PRKD1: variants seen among roughly 807,000 people sequenced by gnomAD.
PRKD1 encodes the protein serine/threonine-protein kinase D1.
PRKD1 carries 63 observed loss-of-function variants against 95.9 expected under a neutral mutation model. That is an observed-to-expected ratio of 0.66 (90% confidence interval 0.54 to 0.81). The LOEUF (loss-of-function observed/expected upper bound fraction) is 0.81. PRKD1 is among the 30% of genes least tolerant of loss of function. The pLI, the probability that PRKD1 is intolerant of heterozygous loss-of-function variation, is 0.00. For missense variants in PRKD1, 1,048 were observed against 1,165.3 expected (o/e 0.90, Z 1.47); for synonymous variants, 425 against 423.1 (o/e 1.00, Z -0.05).
At chr14:29,775,642 G>A (rs1189863097) in intron 1 of PRKD1, among the ~76,000 whole-genome samples, 1 of 152,168 alleles carries the variant, frequency 6.6e-6, no homozygotes, top group Non-Finnish European at 1.5e-5. Flanking sequence ...AAACAAAGCA[G>A]CTGCGAAGCT....
intron 13 of PRKD1, among the ~76,000 whole-genome samples, chr14:29,616,643 C>T (rs1406387459): frequency 6.6e-6 from 1 of 152,020 alleles, no homozygotes; most frequent in African/African-American, 2.4e-5. Flanking sequence ...TATTACCTTA[C>T]AGTCTGGGGA....
At chr14:29,908,506 C>T (rs1041633046) in intron 1 of PRKD1, among the ~76,000 whole-genome samples, 2 of 151,842 alleles carry the variant, frequency 1.3e-5, no homozygotes, top group Admixed American at 6.6e-5. Flanking sequence ...AGGCTGGTCT[C>T]GAACTTCTGA....
At chr14:29,802,619 T>C (rs763015938) in intron 1 of PRKD1, among the ~76,000 whole-genome samples, 13 of 152,208 alleles carry the variant, frequency 8.5e-5, no homozygotes, top group Non-Finnish European at 1.5e-4. Context: ...TGTAATTCAG[T>C]CAGTTGGAGC....
chr14:29,638,993 G>C (rs1026617526), intron 4 of PRKD1, 89 bp from the exon 5 acceptor site: 57 of 966,050 alleles, frequency 5.9e-5, no homozygotes, highest in Non-Finnish European at 8.3e-5. Context: ...GTTTACTCTT[G>C]TATTTAGTAC....
chr14:29,601,230 C>T (rs140614417), intron 13 of PRKD1, among the ~76,000 whole-genome samples: 2 of 152,246 alleles, frequency 1.3e-5, no homozygotes, highest in Non-Finnish European at 2.9e-5. Context: ...TACCCATTTG[C>T]AAGGAAAGCC....
chr14:29,737,328 C>CAAAAAAAAAAAAAAAAAAAAA (rs796557046), intron 1 of PRKD1, among the ~76,000 whole-genome samples: 2 of 37,930 alleles, frequency 5.3e-5, no homozygotes, highest in Non-Finnish European at 9.5e-5. Context: ...GACTCCGTCT[C>CAAAAAAAAAAAAAAAAAAAAA]AAAAAAAAAA....
At chr14:29,658,300 G>T (rs1882006326) in intron 4 of PRKD1, among the ~76,000 whole-genome samples, 1 of 152,122 alleles carries the variant, frequency 6.6e-6, no homozygotes, top group African/African-American at 2.4e-5. Flanking sequence ...TTCCCAAAGT[G>T]CATGTACTTC....
At chr14:29,594,356 A>C (rs185304490) in intron 16 of PRKD1, among the ~76,000 whole-genome samples, 10 of 152,282 alleles carry the variant, frequency 6.6e-5, no homozygotes, top group African/African-American at 1.9e-4. Flanking sequence ...AAATGATACG[A>C]TCGATCTTTG....
chr14:29,925,705 C>G (rs1473768595), intron 1 of PRKD1, among the ~76,000 whole-genome samples: 5 of 152,156 alleles, frequency 3.3e-5, no homozygotes, highest in African/African-American at 1.2e-4. Context: ...ATTACTTTGA[C>G]CCAATTTGAA....
chr14:29,883,535 A>G (rs925133505), intron 1 of PRKD1, among the ~76,000 whole-genome samples: 2 of 152,204 alleles, frequency 1.3e-5, no homozygotes, highest in African/African-American at 2.4e-5. Flanking sequence ...ACACAATCCA[A>G]ACATCAAGTC....
intron 1 of PRKD1, among the ~76,000 whole-genome samples, chr14:29,890,664 G>A (rs1307987954): frequency 6.6e-6 from 1 of 151,916 alleles, no homozygotes; most frequent in African/African-American, 2.4e-5. Flanking sequence ...TACATTCCAA[G>A]CATATTCCAA....
At chr14:29,595,862 A>G (rs985812236) in intron 16 of PRKD1, among the ~76,000 whole-genome samples, 2 of 152,226 alleles carry the variant, frequency 1.3e-5, no homozygotes. Context: ...TTTCTAGATG[A>G]GCAATATCAA....
At chr14:29,898,946 T>A (rs1010860162) in intron 1 of PRKD1, among the ~76,000 whole-genome samples, 3 of 152,226 alleles carry the variant, frequency 2.0e-5, no homozygotes, top group Admixed American at 6.5e-5. Context: ...CTGGCAAATT[T>A]TAATACTCAT....
chr14:29,835,649 C>A (rs936154191), intron 1 of PRKD1, among the ~76,000 whole-genome samples: 1 of 152,198 alleles, frequency 6.6e-6, no homozygotes, highest in Admixed American at 6.5e-5. Flanking sequence ...TGGCTCACCA[C>A]AGCCTCTGCC....
chr14:29,767,421 C>T (rs1006613929), intron 1 of PRKD1, among the ~76,000 whole-genome samples: 1 of 152,076 alleles, frequency 6.6e-6, no homozygotes, highest in Non-Finnish European at 1.5e-5. Flanking sequence ...GTGTCAGTTG[C>T]CCCGTGGTTA....
At chr14:29,634,600 CATG>C in intron 7 of PRKD1, 59 bp from the exon 8 acceptor site, 2 of 1,596,530 alleles carry the variant, frequency 1.3e-6, no homozygotes, top group Non-Finnish European at 1.7e-6. Flanking sequence ...TATGTATTTT[CATG>C]CATAAAACCT....
intron 1 of PRKD1, among the ~76,000 whole-genome samples, chr14:29,805,861 TG>T (rs1423265904): frequency 1.3e-5 from 2 of 152,126 alleles, no homozygotes; most frequent in Non-Finnish European, 1.5e-5. Flanking sequence ...ACTTGTAAGT[TG>T]CCAATGAAGG....
chr14:29,879,374 G>C (rs1893421007), intron 1 of PRKD1, among the ~76,000 whole-genome samples: 1 of 152,134 alleles, frequency 6.6e-6, no homozygotes, highest in South Asian at 2.1e-4. Flanking sequence ...AATCTGGTGG[G>C]TTTATCAGGG....
intron 1 of PRKD1, among the ~76,000 whole-genome samples, chr14:29,866,973 A>C (rs1892930578): frequency 6.6e-6 from 1 of 152,148 alleles, no homozygotes; most frequent in African/African-American, 2.4e-5. Flanking sequence ...CCTCCACTTG[A>C]CATTGGCCTC....
Sources: allele counts gnomAD v4.1 joint callset (sites outside exome capture counted in the v4.1 genomes callset), GRCh38; gene constraint gnomAD v4.1.1; transcripts MANE v1.5; gene names NCBI Gene and HGNC (gene_info 2026-07-23, HGNC 2026-07-21).